The following ST8SIA6 variants were observed in gnomAD, a reference collection of about 807,000 sequenced individuals.
ST8SIA6 encodes alpha-2,8-sialyltransferase 8F.
ST8SIA6 carries 39 observed loss-of-function variants against 33.6 expected under a neutral mutation model. That is an observed-to-expected ratio of 1.16 (90% CI 0.90 to 1.52). ST8SIA6 has a LOEUF of 1.52. Ranked by LOEUF, ST8SIA6 falls within the 40% of genes most tolerant of loss-of-function variation. The pLI is 0.00. For synonymous variants in ST8SIA6, 172 were observed against 167.2 expected (o/e 1.03, Z -0.22); for missense variants, 441 against 443.8 (o/e 0.99, Z 0.06).
At chr10:17,419,558 A>G (rs1025163589) in intron 2 of ST8SIA6, among the ~76,000 whole-genome samples, 21 of 152,046 alleles carry the variant, frequency 1.4e-4, no homozygotes, top group Middle Eastern at 3.2e-3. Context: ...CAAAAAAACA[A>G]AAAAAATAAC....
chr10:17,403,303 T>C lies in ST8SIA6; in HGVS notation c.201-12683A>G, dbSNP rs181320313. On this transcript the variant is annotated intron_variant, in intron 2 of 7. Transcript: ENST00000377602. ...GACCCTAATTAGGAAATGGTGTCTT[T>C]AGGCGAGTAGAGAGAAAATAAAATA... Among the ~76,000 whole-genome samples the C allele has an allele frequency of 7.9e-4, 121 of 152,338 alleles. 1 individual carries two copies. Among genetic ancestry groups the C allele is most frequent in the African/African-American group, 2.9e-3 (119 of 41,582 alleles).
Position 17,390,596 on chromosome 10 carries a change from G to C in ST8SIA6, c.225C>G (p.Leu75=). 1 of 1,613,882 alleles carries C rather than the reference G, an allele frequency of 6.2e-7. No homozygotes were observed. The change falls in exon 3 of 8, where the codon CTC becomes CTG. Residue 75 remains leucine (L), a synonymous_variant. Transcript: ENST00000377602. The stretch of plus-strand genomic sequence containing the variant: ...GATTTTTGCATTTCTCCGTCAGTTG[G>C]AGCGACTTCTCATTCAGATATGTGC... The part of the protein sequence containing the change: ...TNSTYLNEKS[L]QLTEKCKNLQ...
At chr10:17,393,104 T>A (rs1430734165) in intron 2 of ST8SIA6, among the ~76,000 whole-genome samples, 1 of 152,212 alleles carries the variant, frequency 6.6e-6, no homozygotes, top group Non-Finnish European at 1.5e-5. Context: ...CTTCTTGAGC[T>A]GGGACGTCGT....
Position 17,373,242 on chromosome 10 carries a change from G to C in ST8SIA6, c.291-13642C>G, listed in dbSNP as rs564520511. 7.9e-5 allele frequency among the ~76,000 whole-genome samples: 12 copies of C among 152,290 alleles called. No individual in the cohort carries two copies. The South Asian group carries it at 2.5e-3, about 32-fold the overall frequency. On this transcript the variant is annotated intron_variant, in intron 3 of 7. Transcript: ENST00000377602. ...AATTTCATCAGCTTATAGAGGCTGT[G>C]CACAAACTGTCTTTGTGTCCTATAG...
At chr10:17,322,231 A>G (rs1220978560) in intron 7 of ST8SIA6, among the ~76,000 whole-genome samples, 1 of 134,700 alleles carries the variant, frequency 7.4e-6, no homozygotes, top group African/African-American at 2.9e-5. Flanking sequence ...AGAAAGAAAG[A>G]AAAAGAAAGA....
At chr10:17,444,167 G>A (rs780030697) in intron 2 of ST8SIA6, among the ~76,000 whole-genome samples, 1 of 152,006 alleles carries the variant, frequency 6.6e-6, no homozygotes. Context: ...TTATGCTAAT[G>A]CCTGTTGCCT....
chr10:17,347,268 A>G (rs1316487903), intron 4 of ST8SIA6, among the ~76,000 whole-genome samples: 2 of 152,202 alleles, frequency 1.3e-5, no homozygotes, highest in African/African-American at 4.8e-5. Flanking sequence ...AGATTGCAAA[A>G]GGATAGATTT....
chr10:17,440,227 G>C (rs1852426658), intron 2 of ST8SIA6, among the ~76,000 whole-genome samples: 1 of 114,384 alleles, frequency 8.7e-6, no homozygotes, highest in Non-Finnish European at 1.6e-5. Flanking sequence ...TTTTTTTTGA[G>C]ACAGAGTCTC....
At chr10:17,405,370 TA>T (rs1851218159) in intron 2 of ST8SIA6, among the ~76,000 whole-genome samples, 1 of 151,370 alleles carries the variant, frequency 6.6e-6, no homozygotes, top group South Asian at 2.1e-4. Context: ...GTCTAAAAAA[TA>T]AAAAATAAAA....
chr10:17,451,814 CATAAA>C (rs1174651026), intron 2 of ST8SIA6, among the ~76,000 whole-genome samples: 40 of 152,120 alleles, frequency 2.6e-4, no homozygotes, highest in African/African-American at 8.7e-4. Context: ...ATAAAGGGGA[CATAAA>C]ATAAATCAAA....
chr10:17,453,589 G>T lies in ST8SIA6; in HGVS notation c.170C>A (p.Pro57Gln). 1 of 1,328,814 alleles carries T rather than the reference G, an allele frequency of 7.5e-7. No individual in the cohort carries two copies. The highest frequency in any genetic ancestry group is 2.8e-5 in the East Asian group (1 of 35,382). 82.3% of individuals were successfully genotyped at this position (1,328,814 alleles called of 1,614,324 possible). The change falls in exon 2 of 8, where the codon CCG (proline) becomes CAG (glutamine). Residue 57 changes from proline (P) to glutamine (Q), a missense_variant. By Grantham distance (76) the Pro-to-Gln change is moderately conservative. Transcript: ENST00000377602. ...TPAALRTLRS[P>Q]ATAVPRATNS... Reference sequence around the variant, plus strand: ...AGTGGCGCGCGGTACCGCGGTCGCCGGGCTCCGGAGCGTCCTCAGCGCTGC... The same window carrying T: ...AGTGGCGCGCGGTACCGCGGTCGCCTGGCTCCGGAGCGTCCTCAGCGCTGC...
At chr10:17,330,775 C>A (rs944961874) in intron 5 of ST8SIA6, among the ~76,000 whole-genome samples, 6 of 152,132 alleles carry the variant, frequency 3.9e-5, no homozygotes, top group Non-Finnish European at 8.8e-5. Flanking sequence ...TTCCTCAGAA[C>A]CAAAACTTCC....
intron 2 of ST8SIA6, among the ~76,000 whole-genome samples, chr10:17,427,695 A>G (rs1040553916): frequency 6.6e-6 from 1 of 152,262 alleles, no homozygotes; most frequent in Non-Finnish European, 1.5e-5. Flanking sequence ...CCTGATATAC[A>G]TGGACATTCT....
At chr10:17,395,887 C>T (rs145917652) in intron 2 of ST8SIA6, among the ~76,000 whole-genome samples, 36 of 152,150 alleles carry the variant, frequency 2.4e-4, no homozygotes, top group Non-Finnish European at 4.6e-4. Context: ...AAACAAAAAA[C>T]CCTTCATACC....
intron 2 of ST8SIA6, among the ~76,000 whole-genome samples, chr10:17,435,701 A>C (rs1852230698): frequency 8.9e-6 from 1 of 112,584 alleles, no homozygotes; most frequent in African/African-American, 3.6e-5. Flanking sequence ...ACTGCTTATA[A>C]AATGGGGGGT....
At chr10:17,437,034 T>G (rs1341641814) in intron 2 of ST8SIA6, among the ~76,000 whole-genome samples, 5 of 152,228 alleles carry the variant, frequency 3.3e-5, no homozygotes, top group Non-Finnish European at 5.9e-5. Flanking sequence ...ACTCCCAACC[T>G]TCTCTTTGTT....
At chr10:17,441,150 C>A (rs1852476310) in intron 2 of ST8SIA6, among the ~76,000 whole-genome samples, 1 of 151,654 alleles carries the variant, frequency 6.6e-6, no homozygotes. Context: ...ATTGATTATG[C>A]TTTTGGTGCC....
At chr10:17,453,848 A>C in intron 1 of ST8SIA6, among the ~76,000 whole-genome samples, 191 bp from the exon 2 acceptor site, 1 of 152,310 alleles carries the variant, frequency 6.6e-6, no homozygotes, top group Non-Finnish European at 1.5e-5. Flanking sequence ...AATGGGGAGC[A>C]TGAGATCCTG....
At chr10:17,443,767 C>T (rs1421554706) in intron 2 of ST8SIA6, among the ~76,000 whole-genome samples, 1 of 152,180 alleles carries the variant, frequency 6.6e-6, no homozygotes, top group African/African-American at 2.4e-5. Flanking sequence ...CAGCAATGAT[C>T]ATCTTCCTAA....
Sources: gnomAD v4.1 joint callset for allele counts (sites outside exome capture counted in the v4.1 genomes callset) on GRCh38, gnomAD v4.1.1 for gene constraint, MANE v1.5 for transcripts, NCBI Gene and HGNC (gene_info 2026-07-23, HGNC 2026-07-21) for gene names.